CHODL: variants seen among roughly 807,000 people sequenced by gnomAD.
CHODL encodes the protein transmembrane protein MT75.
Under a neutral mutation model 34.5 loss-of-function variants are expected in CHODL, and 29 were observed. The observed-to-expected ratio is 0.84, with a 90% CI of 0.63 to 1.15. The LOEUF (loss-of-function observed/expected upper bound fraction) is 1.15, where lower values mean the gene tolerates loss of function less well. Ranked by LOEUF, CHODL falls within the 50% of genes most tolerant of loss-of-function variation. The pLI, the probability that CHODL is intolerant of heterozygous loss-of-function variation, is 0.00. For missense variants in CHODL, 332 were observed against 332.5 expected (o/e 1.00, Z 0.01); for synonymous variants, 125 against 116.1 (o/e 1.08, Z -0.49).
At chr21:18,089,211 T>G (rs1295549073) in intron 2 of CHODL, among the ~76,000 whole-genome samples, 1 of 152,218 alleles carries the variant, frequency 6.6e-6, no homozygotes, top group Non-Finnish European at 1.5e-5. Flanking sequence ...TTTCAAATCT[T>G]TTGTTTATCC....
At chr21:18,000,357 T>G (rs559839734) in intron 1 of CHODL, among the ~76,000 whole-genome samples, 1 of 152,314 alleles carries the variant, frequency 6.6e-6, no homozygotes, top group Admixed American at 6.5e-5. Context: ...TTCCTTGCCT[T>G]GCATAAAATA....
chr21:18,171,201 T>TTTTTTTTTTTC (rs2073225297), intron 2 of CHODL, among the ~76,000 whole-genome samples: 1 of 716 alleles, frequency 1.4e-3, no homozygotes, highest in Non-Finnish European at 5.8e-3. Flanking sequence ...TTCTTTAGTT[T>TTTTTTTTTTTC]TTTTTTTTTT....
intron 2 of CHODL, among the ~76,000 whole-genome samples, chr21:18,132,751 C>G (rs1273965006): frequency 6.6e-6 from 1 of 152,038 alleles, no homozygotes; most frequent in Non-Finnish European, 1.5e-5. Context: ...AACATGTTTT[C>G]TCTCACTGTA....
At chr21:18,167,384 A>C (rs2073171517) in intron 2 of CHODL, among the ~76,000 whole-genome samples, 1 of 144,612 alleles carries the variant, frequency 6.9e-6, no homozygotes, top group Non-Finnish European at 1.5e-5. Flanking sequence ...ATCTCAGCTC[A>C]CTGCAAGCTC....
chr21:18,256,840 T>C lies in CHODL; in HGVS notation c.389+22T>C, dbSNP rs200086846. 4.2e-5 allele frequency: 67 copies of C among 1,601,004 alleles called. No homozygotes were observed. The African/African-American group carries it at 7.5e-4, about 18-fold the overall frequency. ...ACCGGTGAGTATGGATCTTGAGCAG[T>C]TGGCAGGTGCTCTGGGGAACTCCAA... is the stretch of plus-strand genomic sequence containing the variant. On this transcript the variant is annotated intron_variant, in intron 2 of 5. Coordinates refer to ENST00000299295, the MANE Select transcript of CHODL (RefSeq NM_024944.3).
intron 1 of CHODL, among the ~76,000 whole-genome samples, chr21:17,999,018 A>AGGC: frequency 6.6e-6 from 1 of 152,248 alleles, no homozygotes; most frequent in Admixed American, 6.5e-5. Flanking sequence ...CTGAACCTTT[A>AGGC]TGCTGTTTCC....
chr21:17,951,084 G>A (rs997971709), intron 1 of CHODL, among the ~76,000 whole-genome samples: 2 of 146,616 alleles, frequency 1.4e-5, no homozygotes, highest in African/African-American at 2.6e-5. Context: ...ATAAGAATAT[G>A]TGTGTGTATA....
intron 2 of CHODL, among the ~76,000 whole-genome samples, chr21:18,121,131 C>T (rs1262370014): frequency 1.3e-5 from 2 of 152,100 alleles, no homozygotes; most frequent in Admixed American, 1.3e-4. Flanking sequence ...CTTCTTTCTA[C>T]ACATTCTCTT....
intron 2 of CHODL, among the ~76,000 whole-genome samples, chr21:18,046,441 C>T (rs2064444463): frequency 6.6e-6 from 1 of 151,746 alleles, no homozygotes; most frequent in African/African-American, 2.4e-5. Context: ...TTACGGGGAC[C>T]AGATTGAGAT....
intron 3 of CHODL, among the ~76,000 whole-genome samples, chr21:18,259,550 T>C (rs979927510): frequency 2.0e-5 from 3 of 152,064 alleles, no homozygotes; most frequent in Admixed American, 1.3e-4. Flanking sequence ...AAAAATAAAG[T>C]GTGTGGAAAT....
intron 2 of CHODL, among the ~76,000 whole-genome samples, chr21:18,184,670 T>C (rs2073419995): frequency 6.6e-6 from 1 of 152,210 alleles, no homozygotes; most frequent in Non-Finnish European, 1.5e-5. Context: ...GAGAAACTTC[T>C]GTAAAGTTTG....
intron 1 of CHODL, among the ~76,000 whole-genome samples, chr21:18,024,146 T>A (rs779460675): frequency 6.6e-6 from 1 of 152,194 alleles, no homozygotes; most frequent in Non-Finnish European, 1.5e-5. Context: ...GACAAAAAAA[T>A]GCTCCCCATT....
In CHODL at chr21:18,133,596, A is replaced by G. The variant is rs367557053; in HGVS notation, c.-45+105625A>G. On this transcript the variant is annotated intron_variant, in intron 2 of 6. Coordinates refer to the CHODL transcript ENST00000400127. ...CAGAGTTCCCTTGTGGCAGAAAGCA[A>G]GTAAATTTACTGTCCAGGATAATAA... is the stretch of plus-strand genomic sequence containing the variant. Among the ~76,000 whole-genome samples the G allele has an allele frequency of 1.8e-4, 27 of 152,266 alleles. No individual in the cohort carries two copies. In the South Asian group the frequency reaches 4.4e-3, roughly 25 times the overall value.
At chr21:18,153,192 A>G (rs1468117166) in intron 2 of CHODL, among the ~76,000 whole-genome samples, 1 of 152,160 alleles carries the variant, frequency 6.6e-6, no homozygotes, top group Non-Finnish European at 1.5e-5. Flanking sequence ...TTCTGCTCTG[A>G]GTTTCATGCA....
intron 1 of CHODL, among the ~76,000 whole-genome samples, chr21:17,969,591 C>T (rs1013418009): frequency 6.6e-6 from 1 of 152,094 alleles, no homozygotes; most frequent in African/African-American, 2.4e-5. Context: ...ACAGTGTATA[C>T]CATTTTTATG....
chr21:17,991,284 T>C (rs965085001), intron 1 of CHODL, among the ~76,000 whole-genome samples: 1 of 152,126 alleles, frequency 6.6e-6, no homozygotes, highest in African/African-American at 2.4e-5. Flanking sequence ...AGGTATATCT[T>C]TGATATACTG....
chr21:18,013,870 G>C lies in CHODL; in HGVS notation c.-144-14002G>C, dbSNP rs139043366. 2.7e-3 allele frequency among the ~76,000 whole-genome samples: 416 copies of C among 151,854 alleles called. 2 individuals carry two copies. Among genetic ancestry groups the C allele is most frequent in the Non-Finnish European group, 3.2e-3 (217 of 67,900 alleles). ...GGCTGGTCTCGAACTCCTGACCTCAGGTGATCCACCCACCTCAGCCTCCCA... is the reference window on the plus strand; with the variant it reads ...GGCTGGTCTCGAACTCCTGACCTCACGTGATCCACCCACCTCAGCCTCCCA... On this transcript the variant is annotated intron_variant, in intron 1 of 6. Coordinates refer to the CHODL transcript ENST00000400127.
In CHODL at chr21:18,155,362, A is replaced by G. The variant is rs184890858; in HGVS notation, c.-44-101147A>G. Among the ~76,000 whole-genome samples the G allele has an allele frequency of 1.3e-3, 196 of 152,336 alleles. No individual in the cohort carries two copies. In the Middle Eastern group the frequency reaches 0.065, roughly 50 times the overall value. On this transcript the variant is annotated intron_variant, in intron 2 of 6. Coordinates refer to the CHODL transcript ENST00000400127. ...CAAACTCAATGGCATGGAGGAACCC[A>G]GAATTCATGTGCCTTGTGGATTCAT... is the stretch of plus-strand genomic sequence containing the variant.
intron 2 of CHODL, among the ~76,000 whole-genome samples, chr21:18,104,955 G>A (rs2065256302): frequency 6.6e-6 from 1 of 152,218 alleles, no homozygotes; most frequent in Non-Finnish European, 1.5e-5. Flanking sequence ...GCTATGACAT[G>A]ATTTGGAAAA....
Sources: allele counts gnomAD v4.1 joint callset (sites outside exome capture counted in the v4.1 genomes callset), GRCh38; gene constraint gnomAD v4.1.1; transcripts MANE v1.5; gene names NCBI Gene and HGNC (gene_info 2026-07-23, HGNC 2026-07-21).